The following PEX5L variants were observed in gnomAD, a reference collection of about 807,000 sequenced individuals.
The protein encoded by PEX5L is PEX5-related protein.
A neutral mutation model predicts 84.0 loss-of-function variants in PEX5L; 30 were observed. That is an observed-to-expected ratio of 0.36 (90% CI 0.27 to 0.48). The LOEUF (loss-of-function observed/expected upper bound fraction) is 0.48, where lower values mean the gene tolerates loss of function less well. PEX5L is among the 20% of genes least tolerant of loss of function. The pLI is 0.99. For missense variants in PEX5L, 533 were observed against 754.6 expected (o/e 0.71, Z 3.44); for synonymous variants, 270 against 283.1 (o/e 0.95, Z 0.46).
At chr3:179,859,429 T>G (rs893347381) in intron 7 of PEX5L, among the ~76,000 whole-genome samples, 2 of 152,220 alleles carry the variant, frequency 1.3e-5, no homozygotes, top group African/African-American at 2.4e-5. Context: ...CCAAAGATCT[T>G]ATTTTAATTG....
At position 179,991,961 on chromosome 3, in the gene PEX5L, C is replaced by T. The variant is rs575481129; in HGVS notation, c.22-20296G>A. Among the ~76,000 whole-genome samples the T allele has an allele frequency of 6.6e-5, 10 of 152,212 alleles. No homozygotes were observed. The South Asian group carries it at 8.3e-4, about 13-fold the overall frequency. Reference sequence around the variant, plus strand: ...GTTCCTAGATATTTAATTCCCATGGCGCTTATTTATAAAAGTAGCATATTA... The same window carrying T: ...GTTCCTAGATATTTAATTCCCATGGTGCTTATTTATAAAAGTAGCATATTA... On this transcript the variant is annotated intron_variant, in intron 1 of 14. Coordinates refer to ENST00000467460, the MANE Select transcript of PEX5L (RefSeq NM_016559.3).
chr3:179,875,516 C>T (rs1752073753), intron 5 of PEX5L, 39 bp from the exon 6 acceptor site: 6 of 1,554,774 alleles, frequency 3.9e-6, no homozygotes, highest in Non-Finnish European at 5.2e-6. Context: ...CAGGTGGCGG[C>T]AGGGCGGGGT....
chr3:179,892,218 A>T (rs1553882862), intron 3 of PEX5L, among the ~76,000 whole-genome samples: 5 of 152,020 alleles, frequency 3.3e-5, no homozygotes, highest in Non-Finnish European at 1.5e-5. Flanking sequence ...TTCATTTCTT[A>T]TTCTCCCCTT....
At chr3:180,027,017 T>C (rs1037237445) in intron 1 of PEX5L, among the ~76,000 whole-genome samples, 2 of 152,052 alleles carry the variant, frequency 1.3e-5, no homozygotes, top group Non-Finnish European at 2.9e-5. Flanking sequence ...TGCCCTCCAT[T>C]TTGAAATAGG....
chr3:179,891,059 C>G (rs867484483), intron 3 of PEX5L, among the ~76,000 whole-genome samples: 36 of 151,550 alleles, frequency 2.4e-4, no homozygotes, highest in Admixed American at 1.4e-3. Flanking sequence ...ATTTACTCAG[C>G]ATACAAATAA....
intron 10 of PEX5L, among the ~76,000 whole-genome samples, chr3:179,813,118 T>A (rs966945366): frequency 2.6e-5 from 4 of 152,230 alleles, no homozygotes; most frequent in African/African-American, 9.6e-5. Context: ...ACCTTTCATA[T>A]ATCTTAGAAT....
chr3:179,911,385 A>G (rs1765122051), intron 2 of PEX5L, among the ~76,000 whole-genome samples: 1 of 152,148 alleles, frequency 6.6e-6, no homozygotes, highest in African/African-American at 2.4e-5. Context: ...GAGACTCAGA[A>G]ACAATAATAC....
At chr3:179,998,275 C>T (rs1788077026) in intron 1 of PEX5L, among the ~76,000 whole-genome samples, 1 of 152,206 alleles carries the variant, frequency 6.6e-6, no homozygotes, top group African/African-American at 2.4e-5. Flanking sequence ...ACACATTCCT[C>T]ATTTGGGTGT....
chr3:179,969,661 A>T (rs1157681849), intron 2 of PEX5L, among the ~76,000 whole-genome samples: 2 of 152,156 alleles, frequency 1.3e-5, no homozygotes, highest in African/African-American at 4.8e-5. Context: ...TTCTGCCAAC[A>T]GCAAACACCA....
chr3:179,811,000 T>G (rs1432968253), intron 11 of PEX5L, among the ~76,000 whole-genome samples: 1 of 152,144 alleles, frequency 6.6e-6, no homozygotes, highest in African/African-American at 2.4e-5. Flanking sequence ...TTCTCTCATC[T>G]GTAGGAAAAG....
chr3:179,816,096 CAG>C lies in PEX5L; in HGVS notation c.940-94_940-93del. The C allele has an allele frequency of 3.2e-6, 4 of 1,257,320 alleles. No individual in the cohort carries two copies. The East Asian group carries it at 9.3e-5, about 29-fold the overall frequency. The allele number at this position is 1,257,320 out of a possible 1,614,324, so 77.9% of individuals were successfully genotyped here. A position where few individuals can be genotyped will look rare whatever the true frequency, so the allele number is the denominator to read the frequency against. ...TTCTCATTAAAAAGTCAGGAAACAA[CAG>C]ATGCTGGAGAGAATGTGGAGAAACA... On this transcript the variant is annotated intron_variant, in intron 9 of 14. Coordinates refer to ENST00000467460, the MANE Select transcript of PEX5L (RefSeq NM_016559.3).
chr3:180,021,654 T>C (rs866777478), intron 1 of PEX5L, among the ~76,000 whole-genome samples: 2 of 152,084 alleles, frequency 1.3e-5, no homozygotes, highest in Middle Eastern at 3.4e-3. Context: ...TCCAGAAAAA[T>C]AGGGGAAGAG....
intron 8 of PEX5L, among the ~76,000 whole-genome samples, chr3:179,839,128 C>T (rs955496393): frequency 2.6e-5 from 4 of 151,776 alleles, no homozygotes; most frequent in African/African-American, 9.7e-5. Flanking sequence ...ATTTTCTTTT[C>T]CACTTGGCCT....
At chr3:179,978,581 C>T (rs928738837) in intron 1 of PEX5L, among the ~76,000 whole-genome samples, 3 of 152,148 alleles carry the variant, frequency 2.0e-5, no homozygotes, top group African/African-American at 7.2e-5. Flanking sequence ...AAAGTATATA[C>T]ACTATCACAT....
intron 4 of PEX5L, among the ~76,000 whole-genome samples, chr3:179,885,293 A>G (rs78151675): frequency 1.3e-5 from 2 of 152,192 alleles, no homozygotes; most frequent in Admixed American, 1.3e-4. Flanking sequence ...ATAATTAAAC[A>G]TGAGGTCATA....
intron 8 of PEX5L, 149 bp from the exon 9 acceptor site, chr3:179,820,125 C>T: frequency 1.9e-6 from 2 of 1,027,606 alleles, no homozygotes; most frequent in South Asian, 3.2e-5. Context: ...TGAAGAGCTT[C>T]TGGAGGGTAC....
intron 2 of PEX5L, among the ~76,000 whole-genome samples, chr3:179,907,672 T>G (rs2109136007): frequency 6.6e-6 from 1 of 152,332 alleles, no homozygotes; most frequent in Admixed American, 6.5e-5. Context: ...ACTAAATTAT[T>G]GAATCTAAGA....
At chr3:179,957,879 A>G (rs1019917051) in intron 2 of PEX5L, among the ~76,000 whole-genome samples, 1 of 152,156 alleles carries the variant, frequency 6.6e-6, no homozygotes, top group African/African-American at 2.4e-5. Flanking sequence ...GCCATTCAGT[A>G]TTGTGTACTG....
intron 1 of PEX5L, among the ~76,000 whole-genome samples, chr3:180,024,373 T>TATATATATATATACATATATATATAC (rs1396023654): frequency 1.3e-5 from 1 of 79,026 alleles, no homozygotes; most frequent in African/African-American, 9.6e-5. Context: ...TATATATATA[T>TATATATATATATACATATATATATAC]ACACACACAA....
Sources: gnomAD v4.1 joint callset for allele counts (sites outside exome capture counted in the v4.1 genomes callset) on GRCh38, gnomAD v4.1.1 for gene constraint, MANE v1.5 for transcripts, NCBI Gene and HGNC (gene_info 2026-07-23, HGNC 2026-07-21) for gene names.